The following RAB7A variants were observed in gnomAD, a reference collection of about 807,000 sequenced individuals.
RAB7A encodes ras-related protein Rab-7a.
In RAB7A, 2 loss-of-function variants were observed where a neutral mutation model predicts 24.5. The ratio of observed to expected loss-of-function variants is 0.08; its 90% CI spans 0.03 to 0.26. The LOEUF (loss-of-function observed/expected upper bound fraction) is 0.26. Among genes scored for constraint, RAB7A ranks in the 10% least tolerant of loss-of-function variants. RAB7A has a pLI of 1.00. For missense variants in RAB7A, 118 were observed against 255.7 expected (o/e 0.46, Z 3.67); for synonymous variants, 100 against 95.9 (o/e 1.04, Z -0.25).
Position 128,773,748 on chromosome 3 carries a change from C to T in RAB7A, c.-8-21612C>T, listed in dbSNP as rs139816657. Among the ~76,000 whole-genome samples the T allele has an allele frequency of 3.3e-5, 5 of 152,214 alleles. No homozygotes were observed. In the South Asian group the frequency reaches 6.2e-4, roughly 19 times the overall value. Reference sequence around the variant, plus strand: ...TTGTTCTGTACTAAGAAAAATTCTTCTGCCTTGGGATGCTGTTGATCTATG... The same window carrying T: ...TTGTTCTGTACTAAGAAAAATTCTTTTGCCTTGGGATGCTGTTGATCTATG... On this transcript the variant is annotated intron_variant, in intron 1 of 5. Transcript: ENST00000265062.
intron 1 of RAB7A, among the ~76,000 whole-genome samples, chr3:128,736,961 A>C (rs1167904692): frequency 1.3e-5 from 2 of 152,226 alleles, no homozygotes; most frequent in South Asian, 2.1e-4. Context: ...GGTAATTTAA[A>C]TGCTAAAAAG....
chr3:128,745,629 G>T (rs542779710), intron 1 of RAB7A, among the ~76,000 whole-genome samples: 7 of 152,226 alleles, frequency 4.6e-5, no homozygotes, highest in Non-Finnish European at 8.8e-5. Flanking sequence ...GCCTCCCAAA[G>T]TGCTGGGATT....
At position 128,813,900 on chromosome 3, in the gene RAB7A, GTGCCCCA is replaced by G; in HGVS notation, c.*487_*493del. The G allele has an allele frequency of 4.1e-6, 1 of 244,544 alleles. No homozygotes were observed. The highest frequency in any genetic ancestry group is 9.9e-5 in the East Asian group (1 of 10,130). 15.1% of individuals were successfully genotyped at this position (244,544 alleles called of 1,614,324 possible). A position where few individuals can be genotyped will look rare whatever the true frequency, so the allele number is the denominator to read the frequency against. ...TGAAGGCTACCCCTTGGGAAGGCTG[GTGCCCCA>G]TGCCCCATTACAGGCTCACACCCAG... On this transcript the variant is annotated 3_prime_UTR_variant, in exon 6 of 6. Coordinates refer to ENST00000265062, the MANE Select transcript of RAB7A (RefSeq NM_004637.6).
rs367832157 is a variant in RAB7A, at chr3:128,808,150, A to C, written c.528+479A>C. Among the ~76,000 whole-genome samples the C allele has an allele frequency of 3.4e-4, 51 of 152,218 alleles. No homozygotes were observed. The South Asian group carries it at 5.2e-3, about 16-fold the overall frequency. ...GGCGGGCTGATCACTTGAGGTCAGG[A>C]GTTCGAGACCAGCCTGGCCAACATG... On this transcript the variant is annotated intron_variant, in intron 5 of 5. Coordinates refer to ENST00000265062, the MANE Select transcript of RAB7A (RefSeq NM_004637.6).
At chr3:128,782,347 G>A (rs748859083) in intron 1 of RAB7A, among the ~76,000 whole-genome samples, 3 of 152,084 alleles carry the variant, frequency 2.0e-5, no homozygotes, top group Non-Finnish European at 2.9e-5. Context: ...TGCCAGAACC[G>A]TTCTCCCTCA....
At chr3:128,781,498 A>G (rs953241678) in intron 1 of RAB7A, among the ~76,000 whole-genome samples, 16 of 151,720 alleles carry the variant, frequency 1.1e-4, no homozygotes, top group African/African-American at 3.9e-4. Flanking sequence ...GAGAGACCTC[A>G]TCTCTACCAA....
intron 1 of RAB7A, among the ~76,000 whole-genome samples, chr3:128,781,125 T>G (rs1217938907): frequency 6.6e-6 from 1 of 152,196 alleles, no homozygotes; most frequent in Non-Finnish European, 1.5e-5. Flanking sequence ...AACAAGGACA[T>G]TAGACTCATG....
At position 128,813,575 on chromosome 3, in the gene RAB7A, C is replaced by A; in HGVS notation, c.*153C>A. On this transcript the variant is annotated 3_prime_UTR_variant, in exon 6 of 6. Transcript: ENST00000265062. Reference sequence around the variant, plus strand: ...AACCCCATCAAACACAGTTACACCCCACATATCTCTCACACACACACACAC... The same window carrying A: ...AACCCCATCAAACACAGTTACACCCAACATATCTCTCACACACACACACAC... 1 of 702,018 alleles carries A rather than the reference C, an allele frequency of 1.4e-6. No individual in the cohort carries two copies. The highest frequency in any genetic ancestry group is 2.6e-6 in the Non-Finnish European group (1 of 388,038). The allele number at this position is 702,018 out of a possible 1,614,324, so 43.5% of individuals were successfully genotyped here.
intron 1 of RAB7A, among the ~76,000 whole-genome samples, chr3:128,743,225 C>A (rs2107587201): frequency 6.6e-6 from 1 of 152,316 alleles, no homozygotes; most frequent in East Asian, 1.9e-4. Context: ...AGTGTGGGGC[C>A]CTCCAAGCCC....
At chr3:128,744,212 C>A (rs533134036) in intron 1 of RAB7A, among the ~76,000 whole-genome samples, 103 of 152,254 alleles carry the variant, frequency 6.8e-4, no homozygotes, top group Non-Finnish European at 1.2e-3. Context: ...ATGGTCACAT[C>A]ACTGCACTCC....
intron 1 of RAB7A, among the ~76,000 whole-genome samples, chr3:128,773,284 C>T (rs1218044021): frequency 6.6e-6 from 1 of 151,088 alleles, no homozygotes; most frequent in African/African-American, 2.4e-5. Flanking sequence ...ACCCAGCAGC[C>T]GCCCCATCTG....
At chr3:128,745,329 TA>T (rs2070601686) in intron 1 of RAB7A, among the ~76,000 whole-genome samples, 2 of 152,104 alleles carry the variant, frequency 1.3e-5, no homozygotes, top group South Asian at 4.1e-4. Flanking sequence ...AGTTGTACTG[TA>T]AAATTTGGAA....
chr3:128,743,192 G>A (rs1369138766), intron 1 of RAB7A, among the ~76,000 whole-genome samples: 3 of 152,200 alleles, frequency 2.0e-5, no homozygotes, highest in African/African-American at 4.8e-5. Flanking sequence ...GCCCCAGGCC[G>A]GTGGCGCCAG....
chr3:128,777,059 A>T (rs866179950), intron 1 of RAB7A, among the ~76,000 whole-genome samples: 1 of 151,718 alleles, frequency 6.6e-6, no homozygotes, highest in Non-Finnish European at 1.5e-5. Context: ...TAAAAATTAG[A>T]TTATTTGTTT....
intron 1 of RAB7A, among the ~76,000 whole-genome samples, chr3:128,738,924 TG>T (rs1289653134): frequency 2.0e-5 from 3 of 152,252 alleles, no homozygotes; most frequent in East Asian, 1.9e-4. Flanking sequence ...GGCCATAGTA[TG>T]GCTGTCAAAT....
At chr3:128,798,880 C>G (rs1933636915) in intron 3 of RAB7A, 1 of 282,492 alleles carries the variant, frequency 3.5e-6, no homozygotes, top group Non-Finnish European at 6.8e-6. Flanking sequence ...ATTTTCATCT[C>G]TTTCTTCATG....
chr3:128,781,437 G>A (rs929896034), intron 1 of RAB7A, among the ~76,000 whole-genome samples: 19 of 152,032 alleles, frequency 1.2e-4, no homozygotes, highest in African/African-American at 4.4e-4. Context: ...GGAGGCCAAG[G>A]TGGGAAAGAA....
intron 1 of RAB7A, among the ~76,000 whole-genome samples, chr3:128,768,628 A>T (rs1232129100): frequency 6.6e-6 from 1 of 152,024 alleles, no homozygotes; most frequent in Non-Finnish European, 1.5e-5. Flanking sequence ...GTTTGATCAC[A>T]GCTCACTGCA....
At chr3:128,775,476 TG>T (rs778800597) in intron 1 of RAB7A, among the ~76,000 whole-genome samples, 3 of 151,966 alleles carry the variant, frequency 2.0e-5, no homozygotes, top group Non-Finnish European at 4.4e-5. Flanking sequence ...GTGGGCTTCC[TG>T]ATTTGAGAAC....
Sources: allele counts gnomAD v4.1 joint callset (sites outside exome capture counted in the v4.1 genomes callset), GRCh38; gene constraint gnomAD v4.1.1; transcripts MANE v1.5; gene names NCBI Gene and HGNC (gene_info 2026-07-23, HGNC 2026-07-21).